The following TMOD2 variants were observed in gnomAD, a reference collection of about 807,000 sequenced individuals.
TMOD2 encodes tropomodulin-2.
In TMOD2, 22 loss-of-function variants were observed where a neutral mutation model predicts 39.9. The ratio of observed to expected loss-of-function variants is 0.55; its 90% CI spans 0.39 to 0.79. The LOEUF (loss-of-function observed/expected upper bound fraction) is 0.79. Ranked by LOEUF, TMOD2 falls within the 30% of genes least tolerant of loss-of-function variation. The pLI is 0.00. For missense variants in TMOD2, 386 were observed against 413.3 expected, an observed-to-expected ratio of 0.93 and a Z score of 0.57; for synonymous variants, 123 against 146.1, an observed-to-expected ratio of 0.84 and a Z score of 1.14.
Position 51,781,139 on chromosome 15 carries a change from C to T in TMOD2, c.589C>T (p.Pro197Ser). ...ISLQQMKAND[P>S]SLQEVNLNNI... ...CCTGCAGCAGATGAAAGCCAATGATCCTAGCTTGCAAGAAGTCAACCTCAA... is the reference window on the plus strand; with the variant it reads ...CCTGCAGCAGATGAAAGCCAATGATTCTAGCTTGCAAGAAGTCAACCTCAA... The change falls in exon 6 of 10, where the codon CCT (proline) becomes TCT (serine). Residue 197 changes from proline (P) to serine (S), a missense_variant. Transcript: ENST00000249700. 1.9e-6 allele frequency: 3 copies of T among 1,611,054 alleles called. No homozygotes were observed. The highest frequency in any genetic ancestry group is 2.5e-6 in the Non-Finnish European group (3 of 1,179,226).
At chr15:51,803,824 G>C (rs1386968011) in intron 8 of TMOD2, among the ~76,000 whole-genome samples, 1 of 152,106 alleles carries the variant, frequency 6.6e-6, no homozygotes, top group Non-Finnish European at 1.5e-5. Flanking sequence ...GGTAGTTCCT[G>C]AGAAAAAAGA....
intron 7 of TMOD2, among the ~76,000 whole-genome samples, chr15:51,792,300 A>G (rs1389868743): frequency 6.6e-6 from 1 of 152,234 alleles, no homozygotes; most frequent in Non-Finnish European, 1.5e-5. Context: ...ATGCAAATCA[A>G]AACCACAATG....
intron 2 of TMOD2, among the ~76,000 whole-genome samples, chr15:51,767,361 C>G (rs573477666): frequency 8.7e-4 from 132 of 152,236 alleles, no homozygotes; most frequent in Middle Eastern, 3.4e-3. Context: ...TCATTTCTTT[C>G]AAATGCACAA....
intron 5 of TMOD2, among the ~76,000 whole-genome samples, chr15:51,777,558 G>A (rs1016647609): frequency 2.0e-5 from 3 of 152,076 alleles, no homozygotes; most frequent in Admixed American, 6.5e-5. Context: ...CTATGTCAAC[G>A]TTTCCTATAG....
chr15:51,781,319 TG>T, intron 6 of TMOD2, 145 bp downstream of exon 6: 1 of 691,272 alleles, frequency 1.4e-6, no homozygotes, highest in Non-Finnish European at 2.3e-6. Flanking sequence ...TCAAAAGAAG[TG>T]GGTTTTGGAA....
intron 2 of TMOD2, 36 bp downstream of exon 2, chr15:51,766,603 A>T (rs1567236305): frequency 6.2e-7 from 1 of 1,603,346 alleles, no homozygotes; most frequent in Non-Finnish European, 8.5e-7. Context: ...GTGGTTAATG[A>T]TAGTATGGAT....
intron 7 of TMOD2, among the ~76,000 whole-genome samples, chr15:51,797,460 T>G (rs2056058824): frequency 6.6e-6 from 1 of 152,376 alleles, no homozygotes; most frequent in East Asian, 1.9e-4. Context: ...TTGCTTGTGC[T>G]AATTTATCTG....
At chr15:51,806,569 A>G (rs770106982) in intron 9 of TMOD2, 48 bp downstream of exon 9, 8 of 1,606,198 alleles carry the variant, frequency 5.0e-6, no homozygotes, top group Non-Finnish European at 4.3e-6. Flanking sequence ...GAGCATGAGC[A>G]TTCACTTCTC....
chr15:51,753,839 C>T (rs964302641), intron 1 of TMOD2, among the ~76,000 whole-genome samples: 12 of 151,488 alleles, frequency 7.9e-5, no homozygotes, highest in African/African-American at 2.7e-4. Context: ...GTTGGTGAAT[C>T]AAGAAGAAAA....
intron 5 of TMOD2, among the ~76,000 whole-genome samples, chr15:51,778,068 C>A (rs1277409304): frequency 2.0e-5 from 3 of 151,284 alleles, no homozygotes; most frequent in Admixed American, 1.3e-4. Flanking sequence ...TTCACAATAG[C>A]AAAGACTTGG....
chr15:51,797,793 TTTAA>T (rs2056061207), intron 7 of TMOD2, among the ~76,000 whole-genome samples: 2 of 152,128 alleles, frequency 1.3e-5, no homozygotes, highest in Non-Finnish European at 2.9e-5. Flanking sequence ...AAAGTTTTTT[TTTAA>T]TTAATTCATA....
rs1032070310 is a variant in TMOD2 at position 51,801,245 on chromosome 15, A to T, written c.876+2905A>T. ...CTCTCTCTCTCTCTCTCTCACACAC[A>T]CACACACACACACACACACACACAC... is the stretch of plus-strand genomic sequence containing the variant. On this transcript the variant is annotated intron_variant, in intron 8 of 9. Coordinates refer to ENST00000249700, the MANE Select transcript of TMOD2 (RefSeq NM_014548.4). Among the ~76,000 whole-genome samples the T allele has an allele frequency of 4.8e-4, 63 of 130,004 alleles. 1 individual carries two copies. The highest frequency in any genetic ancestry group is 2.6e-3 in the East Asian group (12 of 4,688). 85.3% of individuals were successfully genotyped at this position (130,004 alleles called of 152,430 possible). A position where few individuals can be genotyped will look rare whatever the true frequency, so the allele number is the denominator to read the frequency against.
At chr15:51,777,060 C>T in intron 5 of TMOD2, 42 bp downstream of exon 5, 8 of 1,559,018 alleles carry the variant, frequency 5.1e-6, no homozygotes, top group Non-Finnish European at 7.1e-6. Flanking sequence ...AGCTTTGGAG[C>T]CTCCAGAGTT....
rs919363789 is a variant in TMOD2 at position 51,813,664 on chromosome 15, C to G, written c.*5210C>G. On this transcript the variant is annotated 3_prime_UTR_variant, in exon 10 of 10. Transcript: ENST00000249700. ...GATTTGGAGTCAAGAAACCTGGACA[C>G]TTGGCTCCACACTTCCTTAGCTGGG... The G allele has an allele frequency of 1.3e-5, 2 of 152,204 alleles. No individual in the cohort carries two copies. Among genetic ancestry groups the G allele is most frequent in the Admixed American group, 1.3e-4 (2 of 15,286 alleles). 9.4% of individuals were successfully genotyped at this position (152,204 alleles called of 1,614,324 possible). A position where few individuals can be genotyped will look rare whatever the true frequency, so the allele number is the denominator to read the frequency against.
intron 7 of TMOD2, among the ~76,000 whole-genome samples, chr15:51,790,397 A>G (rs2056002427): frequency 6.6e-6 from 1 of 152,180 alleles, no homozygotes; most frequent in Admixed American, 6.5e-5. Context: ...CCAGGACCAG[A>G]CCGATTTACA....
rs1288446492 is a variant in TMOD2 at position 51,777,072 on chromosome 15, CTGG to C, written c.493+56_493+58del. 1.5e-5 allele frequency: 23 copies of C among 1,501,248 alleles called. No homozygotes were observed. The African/African-American group carries it at 2.9e-4, about 19-fold the overall frequency. 93.0% of individuals were successfully genotyped at this position (1,501,248 alleles called of 1,614,324 possible). On this transcript the variant is annotated intron_variant, in intron 5 of 9. Coordinates refer to ENST00000249700, the MANE Select transcript of TMOD2 (RefSeq NM_014548.4). ...TAAAGCTTTGGAGCCTCCAGAGTTG[CTGG>C]TAGGAGAGAGGCCTGTTGAGTCTTG... is the stretch of plus-strand genomic sequence containing the variant.
intron 3 of TMOD2, among the ~76,000 whole-genome samples, chr15:51,769,897 G>A (rs1180571647): frequency 6.6e-6 from 1 of 152,058 alleles, no homozygotes; most frequent in Non-Finnish European, 1.5e-5. Flanking sequence ...AGCCAAGCAT[G>A]ATGGTGCACC....
At chr15:51,794,525 G>C (rs1265715940) in intron 7 of TMOD2, among the ~76,000 whole-genome samples, 2 of 152,096 alleles carry the variant, frequency 1.3e-5, no homozygotes, top group African/African-American at 4.8e-5. Context: ...GACCAGCCTG[G>C]GCAACATAGA....
chr15:51,775,234 C>T (rs774341689), intron 4 of TMOD2, among the ~76,000 whole-genome samples: 22 of 152,206 alleles, frequency 1.4e-4, no homozygotes, highest in Non-Finnish European at 3.1e-4. Flanking sequence ...AACAGCACCT[C>T]TTACACTGGC....
Sources: allele counts gnomAD v4.1 joint callset (sites outside exome capture counted in the v4.1 genomes callset), GRCh38; gene constraint gnomAD v4.1.1; transcripts MANE v1.5; gene names NCBI Gene and HGNC (gene_info 2026-07-23, HGNC 2026-07-21).